Variants in CDC25A observed in about 807,000 individuals in gnomAD.
The protein encoded by CDC25A is M-phase inducer phosphatase 1.
A neutral mutation model predicts 64.6 loss-of-function variants in CDC25A; 17 were observed. That is an observed-to-expected ratio of 0.26 (90% confidence interval 0.18 to 0.39). The LOEUF is 0.39. Among genes scored for constraint, CDC25A ranks in the 10% least tolerant of loss-of-function variants. CDC25A has a pLI of 1.00. For missense variants in CDC25A, 473 were observed against 654.8 expected, an observed-to-expected ratio of 0.72 and a Z score of 3.03; for synonymous variants, 229 against 238.6, an observed-to-expected ratio of 0.96 and a Z score of 0.37.
chr3:48,187,883 G>A lies in CDC25A; in HGVS notation c.65C>T (p.Ala22Val). The A allele has an allele frequency of 1.3e-6, 2 of 1,546,512 alleles. No individual in the cohort carries two copies. Among genetic ancestry groups the A allele is most frequent in the Non-Finnish European group, 1.7e-6 (2 of 1,145,720 alleles). ...RLLFACSPPP[A>V]SQPVVKALFG... ...TAGCGCCTTCACGACGGGCTGCGAC[G>A]CGGGAGGGGGGCTGCAGGCGAAGAG... The change falls in exon 1 of 15, where the codon GCG becomes GTG. Residue 22 changes from alanine to valine, a missense_variant. Around this residue, in one of 2 missense-constraint regions of CDC25A, gnomAD observed 376 missense variants for 431.9 expected, o/e 0.87. Transcript: ENST00000302506.
chr3:48,181,510 T>C, intron 5 of CDC25A: 1 of 1,113,980 alleles, frequency 9.0e-7, no homozygotes, highest in Non-Finnish European at 1.4e-6. Context: ...CCGTTGCCCT[T>C]GGTCTCGGGG....
At chr3:48,161,009 TG>T (rs2031735002) in intron 13 of CDC25A, among the ~76,000 whole-genome samples, 1 of 151,822 alleles carries the variant, frequency 6.6e-6, no homozygotes, top group East Asian at 1.9e-4. Context: ...AAAAATTAGC[TG>T]GGCGTGGTGG....
intron 11 of CDC25A, 36 bp from the exon 12 acceptor site, chr3:48,165,770 C>T (rs750395872): frequency 4.3e-5 from 68 of 1,597,528 alleles, no homozygotes; most frequent in Non-Finnish European, 5.7e-5. Context: ...CAACTTTGAC[C>T]GTCAGGGAAA....
At chr3:48,186,607 G>T (rs979814302) in intron 2 of CDC25A, 96 bp downstream of exon 2, 18 of 673,162 alleles carry the variant, frequency 2.7e-5, no homozygotes, top group Non-Finnish European at 4.5e-5. Flanking sequence ...CCAATGCCAT[G>T]ACTTCCTCAA....
intron 8 of CDC25A, among the ~76,000 whole-genome samples, chr3:48,176,531 G>GTATACATATA: frequency 7.2e-6 from 1 of 138,122 alleles, no homozygotes; most frequent in East Asian, 2.0e-4. Context: ...GTGTGTGTGA[G>GTATACATATA]TATATATATA....
intron 6 of CDC25A, among the ~76,000 whole-genome samples, chr3:48,178,285 T>A (rs968412092): frequency 6.6e-6 from 1 of 152,188 alleles, no homozygotes; most frequent in Admixed American, 6.5e-5. Flanking sequence ...TATTAGAAGG[T>A]TGCATCAGTG....
chr3:48,170,469 TAGA>T (rs1221073982), intron 9 of CDC25A, among the ~76,000 whole-genome samples: 1 of 152,184 alleles, frequency 6.6e-6, no homozygotes, highest in Non-Finnish European at 1.5e-5. Context: ...TCAAAGGATA[TAGA>T]AGAAGACATG....
At chr3:48,174,151 CCACA>C in intron 9 of CDC25A, 129 bp downstream of exon 9, 3 of 708,044 alleles carry the variant, frequency 4.2e-6, no homozygotes, top group Non-Finnish European at 4.6e-6. Flanking sequence ...ACACACACAC[CCACA>C]CACACACACA....
At chr3:48,170,282 G>A (rs1252485955) in intron 9 of CDC25A, among the ~76,000 whole-genome samples, 1 of 152,122 alleles carries the variant, frequency 6.6e-6, no homozygotes, top group African/African-American at 2.4e-5. Context: ...AGGAAGTTGA[G>A]GGCCCAGTCC....
chr3:48,160,012 C>T (rs892098735), intron 13 of CDC25A, among the ~76,000 whole-genome samples: 1 of 152,182 alleles, frequency 6.6e-6, no homozygotes, highest in African/African-American at 2.4e-5. Context: ...CAGGCCCCTA[C>T]TGCTGCTCTG....
At chr3:48,170,228 G>A (rs572484820) in intron 9 of CDC25A, among the ~76,000 whole-genome samples, 3 of 152,166 alleles carry the variant, frequency 2.0e-5, no homozygotes, top group South Asian at 2.1e-4. Context: ...GCTGGGTGCC[G>A]TCCAATTCAA....
intron 10 of CDC25A, 73 bp from the exon 11 acceptor site, chr3:48,165,966 G>C (rs2031996107): frequency 1.9e-6 from 2 of 1,034,722 alleles, no homozygotes; most frequent in Non-Finnish European, 3.0e-6. Context: ...GTTTTGTCTG[G>C]CTGGTAGGAG....
At chr3:48,183,709 C>G in intron 4 of CDC25A, 91 bp downstream of exon 4, 2 of 791,820 alleles carry the variant, frequency 2.5e-6, no homozygotes, top group Non-Finnish European at 4.3e-6. Context: ...GCAGTTTTTA[C>G]TCTCTAAATT....
At chr3:48,159,290 A>T (rs2031650242) in intron 14 of CDC25A, 54 bp downstream of exon 14, 1 of 1,373,844 alleles carries the variant, frequency 7.3e-7, no homozygotes, top group East Asian at 2.3e-5. Flanking sequence ...CAGATCCATT[A>T]GTCTACCACT....
At chr3:48,166,644 C>A (rs1238389751) in intron 10 of CDC25A, among the ~76,000 whole-genome samples, 1 of 152,222 alleles carries the variant, frequency 6.6e-6, no homozygotes, top group Non-Finnish European at 1.5e-5. Context: ...GAGGAAGATG[C>A]ACACATTAGC....
At position 48,158,171 on chromosome 3, in the gene CDC25A, G is replaced by C. The variant is rs559117113; in HGVS notation, c.*774C>G. On this transcript the variant is annotated 3_prime_UTR_variant, in exon 15 of 15. Coordinates refer to ENST00000302506, the MANE Select transcript of CDC25A (RefSeq NM_001789.3). The stretch of plus-strand genomic sequence containing the variant: ...CCACACCTCCCACCAAATAGATATC[G>C]GTAGCCAGTGGTGGGTCTGGGAGAT... 6.6e-6 allele frequency: 1 copy of C among 152,568 alleles called. No individual in the cohort carries two copies. Among genetic ancestry groups the C allele is most frequent in the Non-Finnish European group, 1.5e-5 (1 of 68,050 alleles). 9.5% of individuals were successfully genotyped at this position (152,568 alleles called of 1,614,324 possible).
In CDC25A at chr3:48,180,763, T is replaced by A. The variant is rs779890422; in HGVS notation, c.507A>T (p.Lys169Asn). Residue 169 changes from lysine to asparagine, a missense_variant, in exon 6 of 15, where the codon AAA becomes AAT. Physicochemically the swap from Lys to Asn is moderately conservative, Grantham distance 94. Coordinates refer to ENST00000302506, the MANE Select transcript of CDC25A (RefSeq NM_001789.3). Reference protein sequence around the residue: ...CLHSHGLQEGKDLFTQRQNSA... With the variant: ...CLHSHGLQEGNDLFTQRQNSA... ...AGTTCTGCCTCTGTGTGAAGAGATC[T>A]TTACCCTCCTGGAGTCCATGAGAGT... 1 of 1,614,142 alleles carries A rather than the reference T, an allele frequency of 6.2e-7. No homozygotes were observed. The highest frequency in any genetic ancestry group is 8.5e-7 in the Non-Finnish European group (1 of 1,180,000).
chr3:48,172,001 A>T (rs2032287086), intron 9 of CDC25A, among the ~76,000 whole-genome samples: 3 of 151,894 alleles, frequency 2.0e-5, no homozygotes, highest in African/African-American at 7.3e-5. Flanking sequence ...ACAAAAAATA[A>T]AAAAAAATTT....
chr3:48,167,557 T>A (rs2032074184), intron 10 of CDC25A, among the ~76,000 whole-genome samples: 1 of 152,226 alleles, frequency 6.6e-6, no homozygotes, highest in African/African-American at 2.4e-5. Flanking sequence ...ACTATTTTTA[T>A]AATAACACAG....
Sources: gnomAD v4.1 joint callset for allele counts (sites outside exome capture counted in the v4.1 genomes callset) on GRCh38, gnomAD v4.1.1 for gene constraint, gnomAD v4.1.1 regional missense constraint, MANE v1.5 for transcripts, NCBI Gene and HGNC (gene_info 2026-07-23, HGNC 2026-07-21) for gene names.